Variants in DCC observed in about 807,000 individuals in gnomAD.
The protein encoded by DCC is netrin receptor DCC.
A neutral mutation model predicts 172.5 loss-of-function variants in DCC; 58 were observed. The observed-to-expected ratio is 0.34, with a 90% confidence interval of 0.27 to 0.42. DCC has a LOEUF of 0.42. DCC is among the 10% of genes least tolerant of loss of function. The probability of loss-of-function intolerance (pLI) is 1.00; values close to 1 mark genes in which losing one functional copy is unlikely to be tolerated. For synonymous variants in DCC, 709 were observed against 644.5 expected (o/e 1.10, Z -1.52); for missense variants, 1,740 against 1,791.0 (o/e 0.97, Z 0.51).
At chr18:53,244,133 G>GT (rs1287458677) in intron 12 of DCC, among the ~76,000 whole-genome samples, 2 of 152,076 alleles carry the variant, frequency 1.3e-5, no homozygotes, top group South Asian at 2.1e-4. Flanking sequence ...GTCACACTGA[G>GT]TTTTTTTCTT....
intron 14 of DCC, among the ~76,000 whole-genome samples, chr18:53,324,591 T>C (rs2057447017): frequency 6.6e-6 from 1 of 152,004 alleles, no homozygotes. Context: ...TGCGAATAGG[T>C]CAGACTAGAG....
In DCC at chr18:52,377,676, G is replaced by GA. The variant is rs1291090304; in HGVS notation, c.91+36808dup. 2.2e-3 allele frequency among the ~76,000 whole-genome samples: 290 copies of GA among 129,654 alleles called. 1 individual carries two copies. Among genetic ancestry groups the GA allele is most frequent in the African/African-American group, 6.1e-3 (214 of 35,344 alleles). 85.1% of individuals were successfully genotyped at this position (129,654 alleles called of 152,430 possible). ...ACTGCAAAAATCAAACAAAACAACA[G>GA]AAAAAAAAAACTATTAAGCCACTTT... On this transcript the variant is annotated intron_variant, in intron 1 of 28. Transcript: ENST00000442544.
At chr18:53,357,899 C>T (rs2057895238) in intron 15 of DCC, among the ~76,000 whole-genome samples, 2 of 152,148 alleles carry the variant, frequency 1.3e-5, no homozygotes, top group South Asian at 2.1e-4. Context: ...ATTCATTTAC[C>T]TTGATATTAT....
chr18:53,322,736 C>T (rs973976121), intron 14 of DCC, among the ~76,000 whole-genome samples: 16 of 151,132 alleles, frequency 1.1e-4, no homozygotes, highest in African/African-American at 3.9e-4. Flanking sequence ...AAGCATAATC[C>T]TCAAAATTAG....
intron 15 of DCC, among the ~76,000 whole-genome samples, chr18:53,351,290 A>AGTATATATATATATATATATATACACT (rs1555656742): frequency 1.1e-4 from 2 of 18,322 alleles, no homozygotes; most frequent in African/African-American, 2.3e-4. Flanking sequence ...CATTGAGTAC[A>AGTATATATATATATATATATATACACT]GTATATATAT....
chr18:52,819,309 G>C (rs931668975), intron 2 of DCC, among the ~76,000 whole-genome samples: 1 of 151,858 alleles, frequency 6.6e-6, no homozygotes, highest in African/African-American at 2.4e-5. Flanking sequence ...GAGCTTGCAG[G>C]GAAAAAAATA....
At chr18:52,772,103 TC>T (rs2037354309) in intron 2 of DCC, among the ~76,000 whole-genome samples, 1 of 152,242 alleles carries the variant, frequency 6.6e-6, no homozygotes, top group Admixed American at 6.5e-5. Context: ...TAGAGTTGAA[TC>T]ATTTTTGATT....
chr18:52,677,440 A>G (rs4939698), intron 1 of DCC, among the ~76,000 whole-genome samples: 1 of 151,754 alleles, frequency 6.6e-6, no homozygotes, highest in Non-Finnish European at 1.5e-5. Context: ...AGCAGATTCT[A>G]TGTTTCATTG....
At chr18:53,135,414 C>A (rs558396417) in intron 7 of DCC, among the ~76,000 whole-genome samples, 36 of 152,240 alleles carry the variant, frequency 2.4e-4, no homozygotes, top group Non-Finnish European at 4.4e-4. Flanking sequence ...CAGCAAAAAA[C>A]ATGTATATTT....
intron 1 of DCC, among the ~76,000 whole-genome samples, chr18:52,367,671 T>A (rs1984939619): frequency 6.6e-6 from 1 of 152,242 alleles, no homozygotes; most frequent in Admixed American, 6.5e-5. Context: ...GTTTAGCTAA[T>A]CTAGTGCCTA....
At position 52,849,967 on chromosome 18, in the gene DCC, A is replaced by G. The variant is rs566304115; in HGVS notation, c.413-56077A>G. Among the ~76,000 whole-genome samples, 5 of 152,278 alleles carry G rather than the reference A, an allele frequency of 3.3e-5. No homozygotes were observed. The South Asian group carries it at 8.3e-4, about 25-fold the overall frequency. ...ATGCCCCAGGTCATGAGAGAAAACT[A>G]TTGCTTCTGGGTAAAATAAAATTGG... is the stretch of plus-strand genomic sequence containing the variant. On this transcript the variant is annotated intron_variant, in intron 2 of 28. Coordinates refer to ENST00000442544, the MANE Select transcript of DCC (RefSeq NM_005215.4).
At chr18:53,509,838 A>G (rs1432211920) in intron 27 of DCC, among the ~76,000 whole-genome samples, 1 of 152,180 alleles carries the variant, frequency 6.6e-6, no homozygotes, top group Non-Finnish European at 1.5e-5. Flanking sequence ...TCAGTTCCAA[A>G]ACCTTGTACT....
At chr18:52,434,861 A>G (rs1210479360) in intron 1 of DCC, among the ~76,000 whole-genome samples, 1 of 152,096 alleles carries the variant, frequency 6.6e-6, no homozygotes, top group African/African-American at 2.4e-5. Flanking sequence ...AGTTTCGATA[A>G]CATTGTCTGT....
At chr18:53,425,307 C>T (rs1178336196) in intron 21 of DCC, among the ~76,000 whole-genome samples, 1 of 150,498 alleles carries the variant, frequency 6.6e-6, no homozygotes. Flanking sequence ...CCAAGACCAA[C>T]TCTTTGAAGT....
At chr18:52,814,812 G>A (rs1312814651) in intron 2 of DCC, among the ~76,000 whole-genome samples, 1 of 152,140 alleles carries the variant, frequency 6.6e-6, no homozygotes, top group Non-Finnish European at 1.5e-5. Flanking sequence ...ATTGGAAAGA[G>A]CAAATTGTGC....
intron 1 of DCC, among the ~76,000 whole-genome samples, chr18:52,659,767 A>C (rs1224866954): frequency 1.3e-5 from 2 of 152,166 alleles, no homozygotes; most frequent in African/African-American, 4.8e-5. Flanking sequence ...AGTTGTAGTT[A>C]AAAAATTAAA....
intron 1 of DCC, among the ~76,000 whole-genome samples, chr18:52,563,881 G>A (rs1034759400): frequency 2.0e-5 from 3 of 152,088 alleles, no homozygotes; most frequent in African/African-American, 7.2e-5. Context: ...CCCTTAGTAG[G>A]GTTCTGTGCC....
chr18:53,251,454 AAC>A (rs1469228629), intron 12 of DCC, among the ~76,000 whole-genome samples: 1 of 152,004 alleles, frequency 6.6e-6, no homozygotes, highest in Non-Finnish European at 1.5e-5. Context: ...GGATATAACT[AAC>A]AATAACACAA....
intron 5 of DCC, among the ~76,000 whole-genome samples, chr18:52,944,776 C>T (rs1180589148): frequency 6.6e-6 from 1 of 152,198 alleles, no homozygotes; most frequent in Non-Finnish European, 1.5e-5. Flanking sequence ...AACCACTGGA[C>T]TGTAGACTTG....
Sources: allele counts gnomAD v4.1 joint callset (sites outside exome capture counted in the v4.1 genomes callset), GRCh38; gene constraint gnomAD v4.1.1; transcripts MANE v1.5; gene names NCBI Gene and HGNC (gene_info 2026-07-23, HGNC 2026-07-21).